CPNE8: variants seen among roughly 807,000 people sequenced by gnomAD.
CPNE8 encodes copine 8, also known as copine-8.
A neutral mutation model predicts 81.5 loss-of-function variants in CPNE8; 45 were observed. The observed-to-expected ratio is 0.55, with a 90% CI of 0.44 to 0.71. The LOEUF (loss-of-function observed/expected upper bound fraction) is 0.71, where lower values mean the gene tolerates loss of function less well. Among genes scored for constraint, CPNE8 ranks in the 30% least tolerant of loss-of-function variants. The pLI, the probability that CPNE8 is intolerant of heterozygous loss-of-function variation, is 0.00. For missense variants in CPNE8, 594 were observed against 672.1 expected (o/e 0.88, Z 1.28); for synonymous variants, 252 against 226.3 (o/e 1.11, Z -1.02).
At chr12:38,806,231 G>T (rs927388754) in intron 6 of CPNE8, among the ~76,000 whole-genome samples, 3 of 150,112 alleles carry the variant, frequency 2.0e-5, no homozygotes, top group African/African-American at 7.3e-5. Context: ...GAAAAAGAGG[G>T]AATCCTCCCT....
chr12:38,892,682 C>T (rs1189512814), intron 1 of CPNE8, among the ~76,000 whole-genome samples: 1 of 152,228 alleles, frequency 6.6e-6, no homozygotes, highest in Non-Finnish European at 1.5e-5. Context: ...AGGTAGCCCA[C>T]ACTCAGTGAC....
chr12:38,882,533 C>T (rs1165136521), intron 1 of CPNE8, among the ~76,000 whole-genome samples: 1 of 152,152 alleles, frequency 6.6e-6, no homozygotes, highest in Non-Finnish European at 1.5e-5. Context: ...CCACAGGAAA[C>T]GAGTACAGCC....
chr12:38,777,503 C>G (rs1305443161), intron 6 of CPNE8, among the ~76,000 whole-genome samples: 5 of 151,998 alleles, frequency 3.3e-5, no homozygotes, highest in African/African-American at 1.2e-4. Context: ...CCTAACTATA[C>G]AGTGTTTATA....
chr12:38,892,515 C>T (rs947741126), intron 1 of CPNE8, among the ~76,000 whole-genome samples: 5 of 152,172 alleles, frequency 3.3e-5, no homozygotes, highest in African/African-American at 9.7e-5. Context: ...ATAAACAAGT[C>T]TTGGTGACTG....
At chr12:38,689,750 G>T (rs1021030803) in intron 15 of CPNE8, among the ~76,000 whole-genome samples, 1 of 152,168 alleles carries the variant, frequency 6.6e-6, no homozygotes, top group African/African-American at 2.4e-5. Flanking sequence ...TTTCTCTATT[G>T]GTCCGCATGG....
chr12:38,854,889 A>G (rs1300176122), intron 3 of CPNE8, among the ~76,000 whole-genome samples: 1 of 152,126 alleles, frequency 6.6e-6, no homozygotes, highest in Non-Finnish European at 1.5e-5. Flanking sequence ...ATAGGACTAC[A>G]AGTTCTAGCC....
chr12:38,876,733 A>T (rs1349772629), intron 1 of CPNE8, among the ~76,000 whole-genome samples: 1 of 152,246 alleles, frequency 6.6e-6, no homozygotes, highest in African/African-American at 2.4e-5. Context: ...CTTTGGTCAT[A>T]TGAATATAAT....
chr12:38,675,762 G>A lies in CPNE8; in HGVS notation c.1387C>T (p.Pro463Ser). 6.2e-7 allele frequency: 1 copy of A among 1,602,218 alleles called. No individual in the cohort carries two copies. The highest frequency in any genetic ancestry group is 1.1e-5 in the South Asian group (1 of 90,720). The change falls in exon 18 of 20, where the codon CCA becomes TCA. Residue 463 changes from proline (P) to serine (S), a missense_variant. Pro to Ser is a moderately conservative substitution (Grantham distance 74). Coordinates refer to ENST00000331366, the MANE Select transcript of CPNE8 (RefSeq NM_153634.3). ...ACACCTACTATAATTATTGACATTG[G>A]AAGTTTTGAGGCCTTCAAAGAGAAT... ...KESIVNASKL[P>S]MSIIIVGVGP...
At chr12:38,797,091 C>A (rs1055110056) in intron 6 of CPNE8, among the ~76,000 whole-genome samples, 1 of 152,178 alleles carries the variant, frequency 6.6e-6, no homozygotes, top group African/African-American at 2.4e-5. Context: ...GGCCTGCCTG[C>A]CTCTGTAGGC....
At position 38,685,684 on chromosome 12, in the gene CPNE8, T is replaced by C. The variant is rs2136659915; in HGVS notation, c.1144-67A>G. 6 of 1,529,292 alleles carry C rather than the reference T, an allele frequency of 3.9e-6. No individual in the cohort carries two copies. The South Asian group carries it at 4.7e-5, about 12-fold the overall frequency. 94.7% of individuals were successfully genotyped at this position (1,529,292 alleles called of 1,614,324 possible). On this transcript the variant is annotated intron_variant, in intron 15 of 19. Coordinates refer to ENST00000331366, the MANE Select transcript of CPNE8 (RefSeq NM_153634.3). ...AAAAGTAAATCTCCATGAAGATCAA[T>C]TGAAAGAGATGAGAATAATACACGT...
chr12:38,669,073 A>AAC (rs1939119327), intron 19 of CPNE8, among the ~76,000 whole-genome samples: 1 of 151,936 alleles, frequency 6.6e-6, no homozygotes, highest in Non-Finnish European at 1.5e-5. Context: ...TAAAATAAAT[A>AAC]ACACACACAC....
At chr12:38,668,774 G>A (rs1208568808) in intron 19 of CPNE8, among the ~76,000 whole-genome samples, 1 of 152,130 alleles carries the variant, frequency 6.6e-6, no homozygotes, top group Non-Finnish European at 1.5e-5. Context: ...AATGGTCCGG[G>A]CACGGTGGCT....
chr12:38,738,931 A>G (rs1941019423), intron 10 of CPNE8, among the ~76,000 whole-genome samples: 1 of 150,324 alleles, frequency 6.7e-6, no homozygotes, highest in Non-Finnish European at 1.5e-5. Flanking sequence ...CTCCTGCCTC[A>G]GCCTCCCAAG....
intron 10 of CPNE8, among the ~76,000 whole-genome samples, chr12:38,734,311 C>T (rs901903068): frequency 2.6e-5 from 4 of 151,998 alleles, no homozygotes; most frequent in African/African-American, 9.7e-5. Context: ...TTATATTCAG[C>T]CCCAAAGAAT....
intron 3 of CPNE8, among the ~76,000 whole-genome samples, chr12:38,866,697 A>G (rs900760729): frequency 2.0e-5 from 3 of 152,178 alleles, no homozygotes; most frequent in African/African-American, 7.2e-5. Flanking sequence ...ATCATGACAC[A>G]TACATGTTCT....
intron 10 of CPNE8, among the ~76,000 whole-genome samples, chr12:38,744,392 C>T (rs568748565): frequency 1.3e-5 from 2 of 152,270 alleles, no homozygotes; most frequent in Non-Finnish European, 2.9e-5. Flanking sequence ...TAAATTCACC[C>T]ATTCAAAATC....
At chr12:38,881,731 T>G (rs1944161506) in intron 1 of CPNE8, among the ~76,000 whole-genome samples, 3 of 152,152 alleles carry the variant, frequency 2.0e-5, no homozygotes, top group African/African-American at 7.2e-5. Context: ...AAACCTATGC[T>G]TTGTCAGAAC....
intron 3 of CPNE8, among the ~76,000 whole-genome samples, chr12:38,869,507 CTCTT>C (rs1044572769): frequency 1.4e-4 from 22 of 152,258 alleles, no homozygotes; most frequent in African/African-American, 5.3e-4. Context: ...TCAAAATAAA[CTCTT>C]TCTCAAATGG....
intron 17 of CPNE8, 34 bp downstream of exon 17, chr12:38,677,418 G>T: frequency 8.9e-7 from 1 of 1,127,996 alleles, no homozygotes; most frequent in Non-Finnish European, 1.4e-6. Context: ...ATGTTGTCAC[G>T]TAGCGAGCCC....
Sources: gnomAD v4.1 joint callset for allele counts (sites outside exome capture counted in the v4.1 genomes callset) on GRCh38, gnomAD v4.1.1 for gene constraint, MANE v1.5 for transcripts, NCBI Gene and HGNC (gene_info 2026-07-23, HGNC 2026-07-21) for gene names.